The following MTCL2 variants were observed in gnomAD, a reference collection of about 807,000 sequenced individuals.
MTCL2 encodes the protein microtubule cross-linking factor 2.
At chr20:36,812,681 T>G in the MTCL2 span, 56 of 1,611,790 alleles carry the variant, frequency 3.5e-5, no homozygotes, top group Non-Finnish European at 4.8e-5. Flanking sequence ...CCCAATCCCA[T>G]GCTTGCTCAG....
chr20:36,852,670 G>T, the MTCL2 span, among the ~76,000 whole-genome samples: 1 of 152,120 alleles, frequency 6.6e-6, no homozygotes, highest in African/African-American at 2.4e-5. Context: ...GTGGGAGGGG[G>T]GACTCTGGGC....
the MTCL2 span, among the ~76,000 whole-genome samples, chr20:36,806,814 C>G: frequency 6.6e-6 from 1 of 152,204 alleles, no homozygotes; most frequent in Admixed American, 6.5e-5. Flanking sequence ...GCCACTGCAC[C>G]TAGCCAATTT....
the MTCL2 span, chr20:36,829,167 C>T: frequency 6.2e-7 from 1 of 1,609,770 alleles, no homozygotes; most frequent in East Asian, 2.2e-5. Context: ...TTCTTCTCCA[C>T]CACCTCGAGC....
the MTCL2 span, among the ~76,000 whole-genome samples, chr20:36,831,504 G>C: frequency 6.6e-6 from 1 of 152,204 alleles, no homozygotes; most frequent in Admixed American, 6.5e-5. Flanking sequence ...GAAGGGAAGA[G>C]GGCCCTCCCT....
the MTCL2 span, chr20:36,794,815 C>T: frequency 1.6e-6 from 1 of 616,252 alleles, no homozygotes; most frequent in Non-Finnish European, 2.8e-6. This position sits in a 1 kb window ranked among gnomAD's most constrained non-coding sequence, Gnocchi z 5.4. Flanking sequence ...GTCACCCAGG[C>T]TGGAATGCAG....
chr20:36,863,429 C>T, the MTCL2 span: 3 of 1,030,392 alleles, frequency 2.9e-6, no homozygotes, highest in South Asian at 4.8e-5. This position sits in a 1 kb window ranked among gnomAD's most constrained non-coding sequence, Gnocchi z 6.2. Flanking sequence ...CCCGGCGCGG[C>T]TCCGGCCGCT....
chr20:36,817,343 G>C, the MTCL2 span: 3 of 1,414,870 alleles, frequency 2.1e-6, no homozygotes, highest in East Asian at 4.9e-5. Flanking sequence ...GGATCCCCAG[G>C]CCACTTAGAG....
At chr20:36,812,031 C>T in the MTCL2 span, among the ~76,000 whole-genome samples, 1 of 152,220 alleles carries the variant, frequency 6.6e-6, no homozygotes, top group Non-Finnish European at 1.5e-5. Context: ...AATTCAATAA[C>T]TACCATTCAC....
chr20:36,857,131 T>A, the MTCL2 span, among the ~76,000 whole-genome samples: 1 of 152,274 alleles, frequency 6.6e-6, no homozygotes, highest in Non-Finnish European at 1.5e-5. Flanking sequence ...CTTCTGTGGA[T>A]GCTAGTGTGT....
At chr20:36,849,058 TCC>T in the MTCL2 span, among the ~76,000 whole-genome samples, 1 of 108,818 alleles carries the variant, frequency 9.2e-6, no homozygotes, top group Non-Finnish European at 1.8e-5. Context: ...ATAGTTGGTT[TCC>T]TTTTTTTTTT....
chr20:36,831,354 G>A, the MTCL2 span, among the ~76,000 whole-genome samples: 3 of 152,220 alleles, frequency 2.0e-5, no homozygotes, highest in Non-Finnish European at 4.4e-5. Flanking sequence ...GAGCCCCAGG[G>A]GTTTGGCTGA....
At chr20:36,841,874 G>GGGTGT in the MTCL2 span, among the ~76,000 whole-genome samples, 44 of 110,864 alleles carry the variant, frequency 4.0e-4, no homozygotes, top group African/African-American at 1.3e-3. Flanking sequence ...TGGGGGGTGG[G>GGGTGT]GTGTGTGTGT....
chr20:36,815,753 A>C, the MTCL2 span: 1 of 1,591,412 alleles, frequency 6.3e-7, no homozygotes, highest in Non-Finnish European at 8.6e-7. This position sits in a 1 kb window ranked among gnomAD's most constrained non-coding sequence, Gnocchi z 5.3. Flanking sequence ...CGCTGAGCAC[A>C]GAACAACTGT....
chr20:36,859,838 A>C, the MTCL2 span: 1 of 1,231,714 alleles, frequency 8.1e-7, no homozygotes, highest in Non-Finnish European at 1.0e-6. Flanking sequence ...TCTGCATCTT[A>C]GAGGCAAAGT....
At chr20:36,858,635 T>G in the MTCL2 span, among the ~76,000 whole-genome samples, 1 of 152,154 alleles carries the variant, frequency 6.6e-6, no homozygotes, top group Non-Finnish European at 1.5e-5. Context: ...CCTCCAAGAA[T>G]GAAGACACAG....
chr20:36,795,247 G>A, the MTCL2 span, among the ~76,000 whole-genome samples: 2 of 151,914 alleles, frequency 1.3e-5, no homozygotes, highest in Non-Finnish European at 2.9e-5. Context: ...CCTAACACCT[G>A]GCTAATTTTT....
At chr20:36,808,301 G>A in the MTCL2 span, among the ~76,000 whole-genome samples, 30 of 151,250 alleles carry the variant, frequency 2.0e-4, no homozygotes, top group African/African-American at 7.0e-4. Context: ...GATTGCAGCA[G>A]GCTGAGATTG....
the MTCL2 span, chr20:36,805,855 T>A: frequency 6.2e-7 from 1 of 1,606,910 alleles, no homozygotes; most frequent in Non-Finnish European, 8.5e-7. Context: ...AAACACACCG[T>A]GTTCTGGGTC....
At chr20:36,858,549 C>T in the MTCL2 span, among the ~76,000 whole-genome samples, 3 of 151,444 alleles carry the variant, frequency 2.0e-5, no homozygotes, top group Admixed American at 6.6e-5. Flanking sequence ...CACACCTTTC[C>T]GTTCTCCCTG....
Sources: gnomAD v4.1 joint callset for allele counts (sites outside exome capture counted in the v4.1 genomes callset) on GRCh38, gnomAD v4.1.1 for gene constraint, Gnocchi (gnomAD v3.1) non-coding constraint, MANE v1.5 for transcripts, NCBI Gene and HGNC (gene_info 2026-07-23, HGNC 2026-07-21) for gene names.